The following GALNT18 variants were observed in gnomAD, a reference collection of about 807,000 sequenced individuals.
GALNT18 encodes the protein GalNAc-transferase 18.
In GALNT18, 44 loss-of-function variants were observed where a neutral mutation model predicts 69.5. The ratio of observed to expected loss-of-function variants is 0.63; its 90% confidence interval spans 0.50 to 0.81. The LOEUF (loss-of-function observed/expected upper bound fraction) is 0.81. Among genes scored for constraint, GALNT18 ranks in the 40% least tolerant of loss-of-function variants. The pLI is 0.00. For missense variants in GALNT18, 715 were observed against 810.0 expected (o/e 0.88, Z 1.42); for synonymous variants, 364 against 318.2 (o/e 1.14, Z -1.53).
chr11:11,295,437 C>A (rs915071021), intron 9 of GALNT18, among the ~76,000 whole-genome samples: 1 of 150,814 alleles, frequency 6.6e-6, no homozygotes. Flanking sequence ...GAGCTGTCAC[C>A]AGAACGTGTA....
intron 1 of GALNT18, among the ~76,000 whole-genome samples, chr11:11,487,512 T>C (rs1282797532): frequency 6.6e-6 from 1 of 152,204 alleles, no homozygotes; most frequent in Admixed American, 6.5e-5. Flanking sequence ...CCAGTGAATA[T>C]GTAAGTTTTG....
Position 11,461,847 on chromosome 11 carries a change from TCTGCTACAAGAGTC to T in GALNT18, c.236-12925_236-12912del. On this transcript the variant is annotated intron_variant, in intron 1 of 10. Coordinates refer to ENST00000227756, the MANE Select transcript of GALNT18 (RefSeq NM_198516.3). This position sits in a 1 kb window ranked among gnomAD's most constrained non-coding sequence, Gnocchi z 4.1. ...CAGACGCCATGACTCCTTTCAAGGCTCTGCTACAAGAGTCCTTGCTTTGGGAAACCTGCAGCCTG... is the reference window on the plus strand; with the variant it reads ...CAGACGCCATGACTCCTTTCAAGGCTCTTGCTTTGGGAAACCTGCAGCCTG... 6.6e-6 allele frequency among the ~76,000 whole-genome samples: 1 copy of T among 152,232 alleles called. No homozygotes were observed. Among genetic ancestry groups the T allele is most frequent in the Non-Finnish European group, 1.5e-5 (1 of 68,054 alleles).
At position 11,404,993 on chromosome 11, in the gene GALNT18, C is replaced by G. The variant is rs1202834390; in HGVS notation, c.596-25729G>C. Among the ~76,000 whole-genome samples the G allele has an allele frequency of 2.6e-5, 4 of 152,220 alleles. No individual in the cohort carries two copies. The highest frequency in any genetic ancestry group is 2.4e-5 in the African/African-American group (1 of 41,444). ...GAAGCAACAGAGCTGCTTTGCTGTG[C>G]TCTGTGTTTCTCCTTCCTATTCTCC... On this transcript the variant is annotated intron_variant, in intron 3 of 10. Transcript: ENST00000227756. This position sits in a 1 kb window ranked among gnomAD's most constrained non-coding sequence, Gnocchi z 4.5.
chr11:11,450,571 G>A (rs1855773044), intron 1 of GALNT18, among the ~76,000 whole-genome samples: 1 of 152,236 alleles, frequency 6.6e-6, no homozygotes, highest in Non-Finnish European at 1.5e-5. Flanking sequence ...CTCAGTGTGA[G>A]AGATGCAAAA....
In GALNT18 at chr11:11,344,154, C is replaced by G. The variant is rs555263674; in HGVS notation, c.1093-3150G>C. On this transcript the variant is annotated intron_variant, in intron 6 of 10. Coordinates refer to ENST00000227756, the MANE Select transcript of GALNT18 (RefSeq NM_198516.3). ...TGGCACAGCCCCTGATCTGGGCTTG[C>G]CCCCCACCACCCCTCCAGCCCTGAC... is the stretch of plus-strand genomic sequence containing the variant. Among the ~76,000 whole-genome samples the G allele has an allele frequency of 2.6e-5, 4 of 152,300 alleles. No individual in the cohort carries two copies. In the East Asian group the frequency reaches 5.8e-4, roughly 22 times the overall value.
chr11:11,284,329 C>T (rs868175015), intron 10 of GALNT18, among the ~76,000 whole-genome samples: 3 of 152,202 alleles, frequency 2.0e-5, no homozygotes, highest in Middle Eastern at 3.2e-3. Context: ...TTAGAGTCAC[C>T]TGTGGGCTTT....
intron 3 of GALNT18, among the ~76,000 whole-genome samples, chr11:11,425,246 C>G (rs1032664723): frequency 6.6e-6 from 1 of 152,204 alleles, no homozygotes; most frequent in African/African-American, 2.4e-5. Flanking sequence ...ACATGGCCAG[C>G]ATGAAGACCG....
chr11:11,528,996 G>A (rs534630812), intron 1 of GALNT18, among the ~76,000 whole-genome samples: 1 of 152,232 alleles, frequency 6.6e-6, no homozygotes, highest in African/African-American at 2.4e-5. Context: ...GCTAGTGTGG[G>A]TCTTGGCCAA....
intron 1 of GALNT18, among the ~76,000 whole-genome samples, chr11:11,451,879 C>T (rs1437112382): frequency 1.3e-5 from 2 of 152,354 alleles, no homozygotes; most frequent in East Asian, 1.9e-4. Context: ...CTCCTCCAAA[C>T]TCCACATTCT....
chr11:11,287,615 G>T (rs1849217576), intron 10 of GALNT18, among the ~76,000 whole-genome samples: 1 of 152,134 alleles, frequency 6.6e-6, no homozygotes, highest in Non-Finnish European at 1.5e-5. Context: ...ACTCTCAGAA[G>T]GTTGAAAGAC....
At chr11:11,537,725 T>G (rs1857817226) in intron 1 of GALNT18, among the ~76,000 whole-genome samples, 1 of 152,178 alleles carries the variant, frequency 6.6e-6, no homozygotes. Flanking sequence ...ATTTAGGACC[T>G]CACCCTGGAC....
At chr11:11,326,855 T>C (rs1006566351) in intron 9 of GALNT18, among the ~76,000 whole-genome samples, 12 of 152,146 alleles carry the variant, frequency 7.9e-5, no homozygotes, top group African/African-American at 2.9e-4. Context: ...TCCTGGAGGA[T>C]CCTGGAGTCA....
rs113829743 is a variant in GALNT18, at chr11:11,341,684, T to C, written c.1093-680A>G. 2.6e-3 allele frequency among the ~76,000 whole-genome samples: 390 copies of C among 152,352 alleles called. 1 individual carries two copies. The highest frequency in any genetic ancestry group is 8.8e-3 in the African/African-American group (368 of 41,582). On this transcript the variant is annotated intron_variant, in intron 6 of 10. Coordinates refer to ENST00000227756, the MANE Select transcript of GALNT18 (RefSeq NM_198516.3). The surrounding 1 kb of genome is among the most constrained non-coding windows in gnomAD (Gnocchi z 6.3). The stretch of plus-strand genomic sequence containing the variant: ...ATGGGCAGCATCTCAAAGCTCTCGC[T>C]ACAATCTTTCCAGCCATCCTGACCT...
At chr11:11,516,602 G>A (rs1243450424) in intron 1 of GALNT18, among the ~76,000 whole-genome samples, 1 of 152,142 alleles carries the variant, frequency 6.6e-6, no homozygotes, top group Non-Finnish European at 1.5e-5. Context: ...TTGAACTCTA[G>A]TCTGGGCAAC....
Position 11,436,911 on chromosome 11 carries a change from C to T in GALNT18, c.429-4124G>A, listed in dbSNP as rs773410928. 5.3e-5 allele frequency among the ~76,000 whole-genome samples: 8 copies of T among 152,204 alleles called. No homozygotes were observed. Among genetic ancestry groups the T allele is most frequent in the Non-Finnish European group, 1.2e-4 (8 of 68,038 alleles). On this transcript the variant is annotated intron_variant, in intron 2 of 10. Coordinates refer to ENST00000227756, the MANE Select transcript of GALNT18 (RefSeq NM_198516.3). The surrounding 1 kb of genome is among the most constrained non-coding windows in gnomAD (Gnocchi z 4.5). ...TTTTGCTGCAGAGTCCAGCCACTTT[C>T]TCGGCCTGGCAACCCAGCACTGACC...
chr11:11,432,767 G>C lies in GALNT18; in HGVS notation c.449C>G (p.Pro150Arg). ...GATGCTCACCTCTGGCAGGCTGTCA[G>C]GAAATGAGAGGTTACGGCACCTGCA... is the stretch of plus-strand genomic sequence containing the variant. Reference protein sequence around the residue: ...RPSGCRNLSFPDSLPEVSIVF... With the variant: ...RPSGCRNLSFRDSLPEVSIVF... The change falls in exon 3 of 11, where the codon CCT becomes CGT. Residue 150 changes from proline (P) to arginine (R), a missense_variant. By Grantham distance (103) the Pro-to-Arg change is moderately radical. Transcript: ENST00000227756. This position sits in a 1 kb window ranked among gnomAD's most constrained non-coding sequence, Gnocchi z 5.8. 2 of 1,614,042 alleles carry C rather than the reference G, an allele frequency of 1.2e-6. No individual in the cohort carries two copies. Among genetic ancestry groups the C allele is most frequent in the Non-Finnish European group, 1.7e-6 (2 of 1,179,942 alleles).
chr11:11,319,749 C>T (rs1262471996), intron 9 of GALNT18, among the ~76,000 whole-genome samples: 1 of 152,198 alleles, frequency 6.6e-6, no homozygotes, highest in African/African-American at 2.4e-5. Context: ...TCCTCATGCT[C>T]AGCCAAAAAT....
chr11:11,369,810 G>GA (rs202180020), intron 6 of GALNT18, among the ~76,000 whole-genome samples: 1,551 of 144,776 alleles, frequency 0.011, 23 homozygotes, highest in African/African-American at 0.028. Context: ...TTACAAATCA[G>GA]AAAAAAAAAA....
chr11:11,603,697 C>A lies in GALNT18; in HGVS notation c.235+17662G>T, dbSNP rs912438420. ...AAAAGATCTATGGATTTTATTGGATCCAGTGTTATTTGAGACATCTGGCTA... is the reference window on the plus strand; with the variant it reads ...AAAAGATCTATGGATTTTATTGGATACAGTGTTATTTGAGACATCTGGCTA... On this transcript the variant is annotated intron_variant, in intron 1 of 10. Transcript: ENST00000227756. The surrounding 1 kb of genome is among the most constrained non-coding windows in gnomAD (Gnocchi z 4.5). Among the ~76,000 whole-genome samples, 3 of 152,088 alleles carry A rather than the reference C, an allele frequency of 2.0e-5. No individual in the cohort carries two copies. The highest frequency in any genetic ancestry group is 7.2e-5 in the African/African-American group (3 of 41,392).
Sources: gnomAD v4.1 joint callset for allele counts (sites outside exome capture counted in the v4.1 genomes callset) on GRCh38, gnomAD v4.1.1 for gene constraint, Gnocchi (gnomAD v3.1) non-coding constraint, MANE v1.5 for transcripts, NCBI Gene and HGNC (gene_info 2026-07-23, HGNC 2026-07-21) for gene names.